The following LMAN2 variants were observed in gnomAD, a reference collection of about 807,000 sequenced individuals.
LMAN2 encodes lectin, mannose binding 2, also known as vesicular integral-membrane protein VIP36.
A neutral mutation model predicts 39.3 loss-of-function variants in LMAN2; 22 were observed. That is an observed-to-expected ratio of 0.56 (90% CI 0.40 to 0.80). The LOEUF (loss-of-function observed/expected upper bound fraction) is 0.80. Among genes scored for constraint, LMAN2 ranks in the 30% least tolerant of loss-of-function variants. The pLI, the probability that LMAN2 is intolerant of heterozygous loss-of-function variation, is 0.00. For missense variants in LMAN2, 494 were observed against 505.4 expected (o/e 0.98, Z 0.22); for synonymous variants, 207 against 207.8 (o/e 1.00, Z 0.03).
At chr5:177,341,264 CCATGTTGGTCAGG>C (rs2127316993) in intron 2 of LMAN2, among the ~76,000 whole-genome samples, 1 of 152,022 alleles carries the variant, frequency 6.6e-6, no homozygotes, top group African/African-American at 2.4e-5. Flanking sequence ...CGGGGTTTCT[CCATGTTGGTCAGG>C]CTGGTCTTGA....
intron 7 of LMAN2, among the ~76,000 whole-genome samples, chr5:177,333,595 G>A (rs936932227): frequency 2.0e-5 from 3 of 152,214 alleles, no homozygotes; most frequent in African/African-American, 7.2e-5. Context: ...GGGGACCCAG[G>A]GCTGGGCTAC....
intron 2 of LMAN2, among the ~76,000 whole-genome samples, chr5:177,342,794 AC>A (rs1333561702): frequency 6.6e-6 from 1 of 151,648 alleles, no homozygotes; most frequent in Non-Finnish European, 1.5e-5. Flanking sequence ...TGGATATAGC[AC>A]CAAAAGCACA....
At chr5:177,340,401 C>A (rs780339513) in intron 2 of LMAN2, among the ~76,000 whole-genome samples, 1 of 152,144 alleles carries the variant, frequency 6.6e-6, no homozygotes, top group Non-Finnish European at 1.5e-5. Context: ...TGCACCCAGG[C>A]AGGGAGAACA....
intron 2 of LMAN2, among the ~76,000 whole-genome samples, chr5:177,338,895 G>C (rs1340099734): frequency 6.6e-6 from 1 of 152,240 alleles, no homozygotes; most frequent in Non-Finnish European, 1.5e-5. Context: ...GTAGGTTTAG[G>C]TGGCTGCCAC....
chr5:177,348,128 CAT>C (rs1761663144), intron 2 of LMAN2, among the ~76,000 whole-genome samples: 3 of 152,180 alleles, frequency 2.0e-5, no homozygotes, highest in African/African-American at 4.8e-5. Context: ...ACTGAGATCT[CAT>C]GTTTCAAAAA....
At chr5:177,345,276 G>A (rs893768391) in intron 2 of LMAN2, among the ~76,000 whole-genome samples, 1 of 147,174 alleles carries the variant, frequency 6.8e-6, no homozygotes, top group African/African-American at 2.5e-5. Context: ...AGGAGACCGA[G>A]GCTGCAGTGA....
intron 6 of LMAN2, among the ~76,000 whole-genome samples, chr5:177,335,529 G>A (rs977510194): frequency 2.6e-5 from 4 of 152,182 alleles, no homozygotes; most frequent in African/African-American, 9.7e-5. Flanking sequence ...CACAGCACTG[G>A]TGCTGCTCTG....
chr5:177,347,278 G>C (rs1332017023), intron 2 of LMAN2, among the ~76,000 whole-genome samples: 1 of 152,118 alleles, frequency 6.6e-6, no homozygotes, highest in African/African-American at 2.4e-5. Flanking sequence ...CTGAGTGAGG[G>C]AGGTGGGAAA....
chr5:177,338,336 G>T, intron 3 of LMAN2, 152 bp downstream of exon 3: 1 of 645,536 alleles, frequency 1.5e-6, no homozygotes, highest in Non-Finnish European at 2.7e-6. Flanking sequence ...CGGAGGCGCA[G>T]GACTTTATCC....
chr5:177,338,453 C>A, intron 3 of LMAN2, 35 bp downstream of exon 3: 1 of 1,580,606 alleles, frequency 6.3e-7, no homozygotes, highest in South Asian at 1.1e-5. Context: ...CCGTGCCCAC[C>A]CCCACAGGGC....
Position 177,351,167 on chromosome 5 carries a change from A to T in LMAN2, c.315+6T>A, listed in dbSNP as rs1165671677. On this transcript the variant is annotated splice_donor_region_variant and intron_variant, in intron 2 of 7. Coordinates refer to ENST00000303127, the MANE Select transcript of LMAN2 (RefSeq NM_006816.3). ...CAGTACGCCTATCCTCTTGAGAACCACTCACCTGGTGGTTCCAGATAGAGC... is the reference window on the plus strand; with the variant it reads ...CAGTACGCCTATCCTCTTGAGAACCTCTCACCTGGTGGTTCCAGATAGAGC... 1.2e-6 allele frequency: 2 copies of T among 1,613,122 alleles called. No homozygotes were observed. The highest frequency in any genetic ancestry group is 1.7e-6 in the Non-Finnish European group (2 of 1,179,360).
chr5:177,338,429 G>A, intron 3 of LMAN2, 59 bp downstream of exon 3: 1 of 1,405,024 alleles, frequency 7.1e-7, no homozygotes, highest in Non-Finnish European at 1.0e-6. Context: ...TCCCTAGGGG[G>A]CCAGCAGCCA....
chr5:177,344,863 G>A (rs932651784), intron 2 of LMAN2, among the ~76,000 whole-genome samples: 3 of 150,950 alleles, frequency 2.0e-5, no homozygotes, highest in Non-Finnish European at 1.5e-5. Context: ...CCGAGATCGC[G>A]CCACTGCACT....
chr5:177,336,855 AAGG>A (rs10531601), intron 6 of LMAN2: 152,281 of 509,972 alleles, frequency 0.3, 25,764 homozygotes, highest in African/African-American at 0.41. Flanking sequence ...TTACAGAAGA[AAGG>A]AGGAGGAGGA....
chr5:177,351,053 T>G lies in LMAN2; in HGVS notation c.315+120A>C. Reference sequence around the variant, plus strand: ...TTATTATTGGTGGGTGTGACCGAGATGAGGAAAAGGCCAGGGACGGAGGTG... The same window carrying G: ...TTATTATTGGTGGGTGTGACCGAGAGGAGGAAAAGGCCAGGGACGGAGGTG... On this transcript the variant is annotated intron_variant, in intron 2 of 7. Transcript: ENST00000303127. The G allele has an allele frequency of 3.2e-5, 27 of 833,718 alleles. 1 individual carries two copies. Among genetic ancestry groups the G allele is most frequent in the Non-Finnish European group, 5.0e-5 (24 of 481,772 alleles). 51.6% of individuals were successfully genotyped at this position (833,718 alleles called of 1,614,324 possible).
At chr5:177,336,663 G>C (rs1761477134) in intron 6 of LMAN2, among the ~76,000 whole-genome samples, 1 of 152,216 alleles carries the variant, frequency 6.6e-6, no homozygotes, top group South Asian at 2.1e-4. Flanking sequence ...AGGTGCCACT[G>C]ACATCCCGAT....
At chr5:177,336,625 G>A (rs1252637087) in intron 6 of LMAN2, among the ~76,000 whole-genome samples, 1 of 152,180 alleles carries the variant, frequency 6.6e-6, no homozygotes, top group Non-Finnish European at 1.5e-5. Context: ...GAAGGGTCCG[G>A]AAAGACAGCA....
At chr5:177,341,565 A>T (rs192108835) in intron 2 of LMAN2, among the ~76,000 whole-genome samples, 22 of 152,348 alleles carry the variant, frequency 1.4e-4, no homozygotes, top group Admixed American at 1.4e-3. Flanking sequence ...ATCCTTCAAG[A>T]ATGAAGGTAA....
intron 7 of LMAN2, 51 bp downstream of exon 7, chr5:177,334,233 T>C (rs1398076695): frequency 1.3e-6 from 2 of 1,568,750 alleles, no homozygotes; most frequent in Admixed American, 1.8e-5. Context: ...CTTCACCCCA[T>C]TCTGGGTCAG....
Sources: gnomAD v4.1 joint callset for allele counts (sites outside exome capture counted in the v4.1 genomes callset) on GRCh38, gnomAD v4.1.1 for gene constraint, MANE v1.5 for transcripts, NCBI Gene and HGNC (gene_info 2026-07-23, HGNC 2026-07-21) for gene names.